Variants in CSRP2 observed in about 807,000 individuals in gnomAD.
CSRP2 encodes the protein cysteine and glycine-rich protein 2.
In CSRP2, 18 loss-of-function variants were observed where a neutral mutation model predicts 24.6. That is an observed-to-expected ratio of 0.73 (90% CI 0.51 to 1.09). The LOEUF (loss-of-function observed/expected upper bound fraction) is 1.09, where lower values mean the gene tolerates loss of function less well. Ranked by LOEUF, CSRP2 falls within the 50% of genes least tolerant of loss-of-function variation. The probability of loss-of-function intolerance (pLI) is 0.00; values close to 1 mark genes in which losing one functional copy is unlikely to be tolerated. For missense variants in CSRP2, 215 were observed against 239.4 expected (o/e 0.90, Z 0.67); for synonymous variants, 87 against 84.3 (o/e 1.03, Z -0.18).
intron 1 of CSRP2, among the ~76,000 whole-genome samples, chr12:76,873,097 A>G (rs1393128044): frequency 6.6e-6 from 1 of 152,248 alleles, no homozygotes; most frequent in Non-Finnish European, 1.5e-5. Flanking sequence ...TTTGGATTGA[A>G]TTAGTCTATA....
intron 2 of CSRP2, 105 bp from the exon 3 acceptor site, chr12:76,863,449 C>A (rs944528439): frequency 8.7e-7 from 1 of 1,149,954 alleles, no homozygotes; most frequent in Non-Finnish European, 1.2e-6. Flanking sequence ...GGCTGAGGCT[C>A]CCTCACATTC....
At chr12:76,872,918 T>C (rs1214432485) in intron 1 of CSRP2, among the ~76,000 whole-genome samples, 1 of 152,236 alleles carries the variant, frequency 6.6e-6, no homozygotes, top group Non-Finnish European at 1.5e-5. Flanking sequence ...CTTGTGTTCC[T>C]GCACTCATCA....
intron 1 of CSRP2, among the ~76,000 whole-genome samples, chr12:76,871,507 A>C (rs1307430015): frequency 6.6e-6 from 1 of 152,200 alleles, no homozygotes; most frequent in East Asian, 1.9e-4. Flanking sequence ...GCGGTGGCTC[A>C]CGCCTGTAAT....
At chr12:76,866,288 T>C in intron 1 of CSRP2, 27 bp from the exon 2 acceptor site, 2 of 1,582,932 alleles carry the variant, frequency 1.3e-6, no homozygotes, top group South Asian at 2.2e-5. Context: ...TTCATTAGAA[T>C]GTCCCTGTGC....
intron 1 of CSRP2, among the ~76,000 whole-genome samples, chr12:76,871,092 G>T (rs1953791875): frequency 6.6e-6 from 1 of 151,032 alleles, no homozygotes; most frequent in Non-Finnish European, 1.5e-5. Context: ...GAAGTTGATT[G>T]ACTGGTTTAA....
intron 1 of CSRP2, chr12:76,878,050 G>C (rs1953869820): frequency 7.7e-6 from 1 of 129,052 alleles, no homozygotes; most frequent in South Asian, 2.4e-4. Flanking sequence ...AAATAAAACA[G>C]GTTAAACATT....
At chr12:76,861,805 A>G (rs1476016979) in intron 3 of CSRP2, 2 of 152,184 alleles carry the variant, frequency 1.3e-5, no homozygotes, top group Non-Finnish European at 2.9e-5. Context: ...AAATGGACAA[A>G]GTATACCTCA....
chr12:76,867,254 C>T (rs929482231), intron 1 of CSRP2, among the ~76,000 whole-genome samples: 1 of 149,942 alleles, frequency 6.7e-6, no homozygotes, highest in Non-Finnish European at 1.5e-5. Flanking sequence ...TTTCGGAGGC[C>T]GAGGTGGGTG....
chr12:76,865,232 A>T (rs540407381), intron 2 of CSRP2, among the ~76,000 whole-genome samples: 13 of 152,354 alleles, frequency 8.5e-5, no homozygotes, highest in Non-Finnish European at 8.8e-5. Context: ...CAATTTCTAA[A>T]GTATTTGCAT....
chr12:76,869,576 A>ACACACC (rs1232880971), intron 1 of CSRP2, among the ~76,000 whole-genome samples: 1 of 139,040 alleles, frequency 7.2e-6, no homozygotes, highest in Non-Finnish European at 1.5e-5. Context: ...ACACACACAC[A>ACACACC]CACCCCTGAC....
chr12:76,863,220 C>A lies in CSRP2; in HGVS notation c.237G>T (p.Thr79=), dbSNP rs147265606. 4 of 1,614,178 alleles carry A rather than the reference C, an allele frequency of 2.5e-6. No individual in the cohort carries two copies. The African/African-American group carries it at 4.0e-5, about 16-fold the overall frequency. Residue 79 remains threonine (T), a synonymous_variant, in exon 3 of 6, where the codon ACG becomes ACT. Transcript: ENST00000311083. ...GCCTCTCGCCACGGTCCATGTTAAG[C>A]GTGCCAGCGCCCTGGCCATAACCGT... is the stretch of plus-strand genomic sequence containing the variant. ...KGYGYGQGAG[T]LNMDRGERLG... is the part of the protein sequence containing the mutation.
chr12:76,863,538 C>A (rs1281396753), intron 2 of CSRP2, 194 bp from the exon 3 acceptor site: 2 of 513,996 alleles, frequency 3.9e-6, no homozygotes, highest in Non-Finnish European at 6.8e-6. Flanking sequence ...TATTTACATT[C>A]CTCCATGGAT....
chr12:76,873,887 T>C (rs547027911), intron 1 of CSRP2, among the ~76,000 whole-genome samples: 1 of 152,288 alleles, frequency 6.6e-6, no homozygotes, highest in East Asian at 1.9e-4. Context: ...TTTTCTAGGG[T>C]AGAGGCAGCT....
intron 1 of CSRP2, among the ~76,000 whole-genome samples, chr12:76,867,975 G>C (rs1323085347): frequency 1.3e-5 from 2 of 152,130 alleles, no homozygotes; most frequent in Non-Finnish European, 2.9e-5. Flanking sequence ...ATTGCGGTGG[G>C]GAACTTTCCA....
chr12:76,867,314 C>A (rs1468621406), intron 1 of CSRP2, among the ~76,000 whole-genome samples: 3 of 133,736 alleles, frequency 2.2e-5, no homozygotes, highest in African/African-American at 8.5e-5. Context: ...CATAGCGAAA[C>A]CCCGTCTCTG....
At chr12:76,865,223 A>G (rs1181512806) in intron 2 of CSRP2, among the ~76,000 whole-genome samples, 1 of 152,234 alleles carries the variant, frequency 6.6e-6, no homozygotes, top group Non-Finnish European at 1.5e-5. Flanking sequence ...AACTGAGAGC[A>G]ATTTCTAAAG....
intron 1 of CSRP2, among the ~76,000 whole-genome samples, chr12:76,874,343 T>C (rs1158483108): frequency 2.0e-5 from 3 of 152,238 alleles, no homozygotes; most frequent in Non-Finnish European, 2.9e-5. Context: ...TAGAATCAGA[T>C]AGACACAAGC....
chr12:76,866,382 C>A (rs1953736007), intron 1 of CSRP2, 121 bp from the exon 2 acceptor site: 1 of 630,144 alleles, frequency 1.6e-6, no homozygotes, highest in Non-Finnish European at 2.8e-6. Flanking sequence ...CTAACCACAT[C>A]TTTCAAAGGC....
intron 1 of CSRP2, among the ~76,000 whole-genome samples, chr12:76,871,627 G>A (rs1037608061): frequency 1.9e-4 from 29 of 152,006 alleles, no homozygotes; most frequent in Admixed American, 1.3e-4. Flanking sequence ...AGCCGGGCGC[G>A]GTGGCAGGTG....
Sources: allele counts gnomAD v4.1 joint callset (sites outside exome capture counted in the v4.1 genomes callset), GRCh38; gene constraint gnomAD v4.1.1; transcripts MANE v1.5; gene names NCBI Gene and HGNC (gene_info 2026-07-23, HGNC 2026-07-21).